Variants in PLG observed in about 807,000 individuals in gnomAD.
PLG encodes plasminogen.
In PLG, 41 loss-of-function variants were observed where a neutral mutation model predicts 104.4. The ratio of observed to expected loss-of-function variants is 0.39; its 90% confidence interval spans 0.31 to 0.51. The LOEUF is 0.51. PLG is among the 20% of genes least tolerant of loss of function. The pLI is 0.76. For synonymous variants in PLG, 337 were observed against 357.1 expected, an observed-to-expected ratio of 0.94 and a Z score of 0.63; for missense variants, 891 against 1,003.6, an observed-to-expected ratio of 0.89 and a Z score of 1.52.
rs1777993299 is a variant in PLG at position 160,731,161 on chromosome 6, G to A, written c.1367G>A (p.Gly456Glu). ...WEYCNLKKCS[G>E]TEASVVAPPP... is the part of the protein sequence containing the mutation. ...TACTGCAACCTGAAAAAATGCTCAG[G>A]AACAGAAGCGAGTGTTGTAGCACCT... The change falls in exon 11 of 19, where the codon GGA (glycine) becomes GAA (glutamate). Residue 456 changes from glycine to glutamate, a missense_variant. Gly to Glu is a moderately conservative substitution (Grantham distance 98). Around this residue, in one of 2 missense-constraint regions of PLG, gnomAD observed 854 missense variants for 932.1 expected, o/e 0.92. Transcript: ENST00000308192. This position sits in a 1 kb window ranked among gnomAD's most constrained non-coding sequence, Gnocchi z 5.1. The A allele has an allele frequency of 5.6e-6, 9 of 1,613,976 alleles. No individual in the cohort carries two copies. Among genetic ancestry groups the A allele is most frequent in the Non-Finnish European group, 7.6e-6 (9 of 1,180,006 alleles).
chr6:160,733,850 A>AAAG, intron 12 of PLG, 145 bp from the exon 13 acceptor site: 1 of 148,820 alleles, frequency 6.7e-6, no homozygotes, highest in Non-Finnish European at 1.2e-5. Flanking sequence ...ACCTCAGAAA[A>AAAG]AAAAAAAAAA....
In PLG at chr6:160,716,875, C is replaced by A. The variant is rs1777741259; in HGVS notation, c.787+112C>A. ...AGCCTCTGAAAAGTGACCTACAAGT[C>A]CTATGGGATGTTATTGGTCTTTATT... On this transcript the variant is annotated intron_variant, in intron 7 of 18. Coordinates refer to ENST00000308192, the MANE Select transcript of PLG (RefSeq NM_000301.5). 1.7e-5 allele frequency: 13 copies of A among 773,016 alleles called. No homozygotes were observed. The South Asian group carries it at 1.8e-4, about 11-fold the overall frequency. The allele number at this position is 773,016 out of a possible 1,614,324, so 47.9% of individuals were successfully genotyped here. A position where few individuals can be genotyped will look rare whatever the true frequency, so the allele number is the denominator to read the frequency against.
chr6:160,749,138 T>A (rs1778351532), intron 17 of PLG, among the ~76,000 whole-genome samples: 1 of 152,234 alleles, frequency 6.6e-6, no homozygotes, highest in Non-Finnish European at 1.5e-5. Context: ...GTGTGTGAGT[T>A]CTGGCTCTCC....
intron 9 of PLG, among the ~76,000 whole-genome samples, chr6:160,722,043 C>A (rs575516220): frequency 3.9e-5 from 6 of 152,220 alleles, no homozygotes; most frequent in African/African-American, 1.4e-4. Context: ...TTCATGTCTG[C>A]CCCCCACTGA....
chr6:160,743,579 T>G (rs1049728356), intron 17 of PLG, among the ~76,000 whole-genome samples: 3 of 152,218 alleles, frequency 2.0e-5, no homozygotes, highest in African/African-American at 7.2e-5. Context: ...TGGGGTTTTC[T>G]AGACATAGAG....
At position 160,744,653 on chromosome 6, in the gene PLG, C is replaced by A. The variant is rs1778249501; in HGVS notation, c.2125+3236C>A. 6.6e-6 allele frequency among the ~76,000 whole-genome samples: 1 copy of A among 152,094 alleles called. No homozygotes were observed. The highest frequency in any genetic ancestry group is 2.4e-5 in the African/African-American group (1 of 41,418). On this transcript the variant is annotated intron_variant, in intron 17 of 18. Coordinates refer to ENST00000308192, the MANE Select transcript of PLG (RefSeq NM_000301.5). This position sits in a 1 kb window ranked among gnomAD's most constrained non-coding sequence, Gnocchi z 4.5. ...TTTTGAATGAATTTTCATGTCTTGA[C>A]TTTCTTCAGTTCAGCTCTGATTTTG...
rs745819547 is a variant in PLG at position 160,724,809 on chromosome 6, T to C, written c.1256+2242T>C. On this transcript the variant is annotated intron_variant, in intron 10 of 18. Coordinates refer to ENST00000308192, the MANE Select transcript of PLG (RefSeq NM_000301.5). The surrounding 1 kb of genome is among the most constrained non-coding windows in gnomAD (Gnocchi z 5.0). ...CAAAATAAATAAAACACTAAGAGAA[T>C]ATTTCATTACTAGGCTTATATAATA... is the stretch of plus-strand genomic sequence containing the variant. Among the ~76,000 whole-genome samples the C allele has an allele frequency of 7.9e-5, 12 of 152,158 alleles. No homozygotes were observed. Among genetic ancestry groups the C allele is most frequent in the Non-Finnish European group, 1.8e-4 (12 of 68,016 alleles).
At position 160,741,444 on chromosome 6, in the gene PLG, A is replaced by T. The variant is rs905052106; in HGVS notation, c.2125+27A>T. ...TGAGATAAATTCCATTGCCCACATAACGAATTGGTTTTGACCTACAGTCCA... is the reference window on the plus strand; with the variant it reads ...TGAGATAAATTCCATTGCCCACATATCGAATTGGTTTTGACCTACAGTCCA... On this transcript the variant is annotated intron_variant, in intron 17 of 18. Transcript: ENST00000308192. This position sits in a 1 kb window ranked among gnomAD's most constrained non-coding sequence, Gnocchi z 4.7. 2 of 1,379,592 alleles carry T rather than the reference A, an allele frequency of 1.4e-6. No individual in the cohort carries two copies. The highest frequency in any genetic ancestry group is 2.1e-6 in the Non-Finnish European group (2 of 965,780). 85.5% of individuals were successfully genotyped at this position (1,379,592 alleles called of 1,614,324 possible). A position where few individuals can be genotyped will look rare whatever the true frequency, so the allele number is the denominator to read the frequency against.
At chr6:160,720,400 CT>C (rs951936874) in intron 9 of PLG, among the ~76,000 whole-genome samples, 1 of 83,654 alleles carries the variant, frequency 1.2e-5, no homozygotes, top group African/African-American at 4.8e-5. Flanking sequence ...TCTCTTTTTT[CT>C]TTTCTTTTCT....
rs201014517 is a variant in PLG at position 160,714,868 on chromosome 6, G to T, written c.622G>T (p.Ala208Ser). Reference sequence around the variant, plus strand: ...GACCATGTCTGGACTGGAATGCCAGGCCTGGGACTCTCAGAGCCCACACGC... The same window carrying T: ...GACCATGTCTGGACTGGAATGCCAGTCCTGGGACTCTCAGAGCCCACACGC... ...SKTMSGLECQ[A>S]WDSQSPHAHG... The change falls in exon 6 of 19, where the codon GCC (alanine) becomes TCC (serine). Residue 208 changes from alanine (A) to serine (S), a missense_variant. Physicochemically the swap from Ala to Ser is moderately conservative, Grantham distance 99. Around this residue, in one of 2 missense-constraint regions of PLG, gnomAD observed 854 missense variants for 932.1 expected, o/e 0.92. Transcript: ENST00000308192. 7.4e-6 allele frequency: 12 copies of T among 1,613,510 alleles called. No individual in the cohort carries two copies. The East Asian group carries it at 2.7e-4, about 36-fold the overall frequency.
Position 160,732,996 on chromosome 6 carries a change from T to C in PLG, c.1588-999T>C, listed in dbSNP as rs965374708. 1.3e-5 allele frequency among the ~76,000 whole-genome samples: 2 copies of C among 152,162 alleles called. No individual in the cohort carries two copies. Among genetic ancestry groups the C allele is most frequent in the African/African-American group, 2.4e-5 (1 of 41,438 alleles). On this transcript the variant is annotated intron_variant, in intron 12 of 18. Coordinates refer to ENST00000308192, the MANE Select transcript of PLG (RefSeq NM_000301.5). This position sits in a 1 kb window ranked among gnomAD's most constrained non-coding sequence, Gnocchi z 4.5. The stretch of plus-strand genomic sequence containing the variant: ...AAGTTGGACGTGGGGGGCTGAACAG[T>C]TCCAACCCTGCAATCACATGGTTGG...
rs1777927778 is a variant in PLG, at chr6:160,726,700, A to C, written c.1256+4133A>C. 6.6e-6 allele frequency among the ~76,000 whole-genome samples: 1 copy of C among 152,042 alleles called. No homozygotes were observed. Among genetic ancestry groups the C allele is most frequent in the East Asian group, 1.9e-4 (1 of 5,200 alleles). On this transcript the variant is annotated intron_variant, in intron 10 of 18. Transcript: ENST00000308192. The surrounding 1 kb of genome is among the most constrained non-coding windows in gnomAD (Gnocchi z 4.4). ...CACATTATCTCTCTGATGGCTAATA[A>C]AATGTGTGATTGTCTATTATGTTTA...
chr6:160,745,550 G>T (rs1778264264), intron 17 of PLG, among the ~76,000 whole-genome samples: 1 of 152,154 alleles, frequency 6.6e-6, no homozygotes, highest in Admixed American at 6.5e-5. Flanking sequence ...GTCATTACAT[G>T]TGAGATGGGT....
At chr6:160,743,647 T>C (rs953887776) in intron 17 of PLG, among the ~76,000 whole-genome samples, 8 of 152,210 alleles carry the variant, frequency 5.3e-5, no homozygotes, top group Non-Finnish European at 7.3e-5. Context: ...TGGATGCCCT[T>C]TATTTCTTTC....
At chr6:160,714,995 T>C (rs1345023087) in intron 6 of PLG, 81 bp downstream of exon 6, 1 of 1,416,358 alleles carries the variant, frequency 7.1e-7, no homozygotes, top group Non-Finnish European at 9.9e-7. Context: ...TTTAGATATT[T>C]TAGCATTCCT....
intron 17 of PLG, among the ~76,000 whole-genome samples, chr6:160,743,692 C>T (rs117515500): frequency 0.023 from 3,449 of 152,242 alleles, 46 homozygotes; most frequent in Non-Finnish European, 0.033. Flanking sequence ...GCTTCCAATA[C>T]TATGTTGAAT....
chr6:160,721,467 G>A (rs971471921), intron 9 of PLG, among the ~76,000 whole-genome samples: 2 of 152,192 alleles, frequency 1.3e-5, no homozygotes, highest in African/African-American at 4.8e-5. Context: ...GTGCACCACA[G>A]ATATAAATTC....
intron 5 of PLG, among the ~76,000 whole-genome samples, chr6:160,713,778 C>T (rs1777685256): frequency 6.6e-6 from 1 of 152,108 alleles, no homozygotes. Flanking sequence ...TGCTGTTTTG[C>T]TGAAGCTAAG....
At position 160,738,827 on chromosome 6, in the gene PLG, T is replaced by G. The variant is rs533226294; in HGVS notation, c.1877+215T>G. On this transcript the variant is annotated intron_variant, in intron 15 of 18. Transcript: ENST00000308192. The surrounding 1 kb of genome is among the most constrained non-coding windows in gnomAD (Gnocchi z 6.8). Reference sequence around the variant, plus strand: ...CACAGTACAGATGATTTTGTGGGCCTGAATAAACTGCAGAACAGAGCTGTT... The same window carrying G: ...CACAGTACAGATGATTTTGTGGGCCGGAATAAACTGCAGAACAGAGCTGTT... Among the ~76,000 whole-genome samples, 3 of 152,234 alleles carry G rather than the reference T, an allele frequency of 2.0e-5. No individual in the cohort carries two copies. In the East Asian group the frequency reaches 5.8e-4, roughly 29 times the overall value.
Sources: allele counts gnomAD v4.1 joint callset (sites outside exome capture counted in the v4.1 genomes callset), GRCh38; gene constraint gnomAD v4.1.1; regional missense constraint gnomAD v4.1.1; non-coding constraint Gnocchi (gnomAD v3.1); transcripts MANE v1.5; gene names NCBI Gene and HGNC (gene_info 2026-07-23, HGNC 2026-07-21).